The following ADAD1 variants were observed in gnomAD, a reference collection of about 807,000 sequenced individuals.
ADAD1 encodes adenosine deaminase domain-containing protein 1.
Under a neutral mutation model 66.8 loss-of-function variants are expected in ADAD1, and 46 were observed. That is an observed-to-expected ratio of 0.69 (90% CI 0.54 to 0.88). The LOEUF (loss-of-function observed/expected upper bound fraction) is 0.88, where lower values mean the gene tolerates loss of function less well. Ranked by LOEUF, ADAD1 falls within the 40% of genes least tolerant of loss-of-function variation. The probability of loss-of-function intolerance (pLI) is 0.00; values close to 1 mark genes in which losing one functional copy is unlikely to be tolerated. For synonymous variants in ADAD1, 248 were observed against 229.4 expected (o/e 1.08, Z -0.73); for missense variants, 617 against 681.8 (o/e 0.91, Z 1.06).
chr4:122,411,087 T>G (rs1796445066), intron 8 of ADAD1, 135 bp from the exon 9 acceptor site: 5 of 643,664 alleles, frequency 7.8e-6, no homozygotes. Flanking sequence ...AAGCTAAGAT[T>G]GATTTAGGAG....
intron 11 of ADAD1, among the ~76,000 whole-genome samples, chr4:122,417,893 T>C (rs906735278): frequency 3.9e-5 from 6 of 152,114 alleles, no homozygotes; most frequent in African/African-American, 1.2e-4. Context: ...GACTCCTGGT[T>C]CAAAGGGGAA....
intron 7 of ADAD1, among the ~76,000 whole-genome samples, chr4:122,405,336 A>G (rs1796159355): frequency 6.6e-6 from 1 of 152,174 alleles, no homozygotes; most frequent in Non-Finnish European, 1.5e-5. Context: ...TAACCCAGTC[A>G]TTATTTATTT....
intron 7 of ADAD1, among the ~76,000 whole-genome samples, chr4:122,400,115 C>T (rs945769006): frequency 6.6e-6 from 1 of 152,006 alleles, no homozygotes; most frequent in African/African-American, 2.4e-5. Flanking sequence ...GAACATTTCC[C>T]TGTTCAGTAT....
chr4:122,390,992 G>T (rs901465532), intron 5 of ADAD1, among the ~76,000 whole-genome samples: 1 of 152,162 alleles, frequency 6.6e-6, no homozygotes, highest in Non-Finnish European at 1.5e-5. Context: ...TCTTCGTGAG[G>T]TTGTCTAGTT....
At chr4:122,401,024 A>G (rs937243579) in intron 7 of ADAD1, among the ~76,000 whole-genome samples, 1 of 151,250 alleles carries the variant, frequency 6.6e-6, no homozygotes, top group South Asian at 2.1e-4. Flanking sequence ...TCTTTATTAT[A>G]TCTTTTCTTC....
Position 122,413,851 on chromosome 4 carries a change from C to CATATATATATAT in ADAD1, c.1249+1057_1249+1068dup, listed in dbSNP as rs377322878. Among the ~76,000 whole-genome samples the CATATATATATAT allele has an allele frequency of 2.9e-3, 365 of 126,574 alleles. 5 individuals carry two copies. The highest frequency in any genetic ancestry group is 6.3e-3 in the East Asian group (29 of 4,632). 83.0% of individuals were successfully genotyped at this position (126,574 alleles called of 152,430 possible). A position where few individuals can be genotyped will look rare whatever the true frequency, so the allele number is the denominator to read the frequency against. On this transcript the variant is annotated intron_variant, in intron 10 of 12. Coordinates refer to ENST00000296513, the MANE Select transcript of ADAD1 (RefSeq NM_139243.4). The stretch of plus-strand genomic sequence containing the variant: ...TTTCACGCTGCTGCTTATGATAGAT[C>CATATATATATAT]ATATATATATATATATATATATATA...
At chr4:122,396,149 A>G (rs1055108828) in intron 6 of ADAD1, 103 bp from the exon 7 acceptor site, 2 of 1,008,410 alleles carry the variant, frequency 2.0e-6, no homozygotes, top group African/African-American at 1.7e-5. Context: ...ACAGATGTCT[A>G]TATATTATTA....
intron 12 of ADAD1, among the ~76,000 whole-genome samples, chr4:122,424,992 A>T (rs912932463): frequency 1.3e-5 from 2 of 152,108 alleles, no homozygotes; most frequent in Non-Finnish European, 1.5e-5. Flanking sequence ...TTACAGTGGT[A>T]AAAAGGTCAA....
At chr4:122,384,038 G>A (rs1195509560) in intron 5 of ADAD1, 72 bp downstream of exon 5, 3 of 1,312,870 alleles carry the variant, frequency 2.3e-6, no homozygotes, top group Non-Finnish European at 3.1e-6. Flanking sequence ...AAAGATTTAT[G>A]TTAATGAGAG....
intron 3 of ADAD1, 113 bp downstream of exon 3, chr4:122,380,354 C>G (rs1794832670): frequency 7.8e-7 from 1 of 1,278,714 alleles, no homozygotes. Context: ...GACATTTACC[C>G]GTGGCCGTGT....
intron 5 of ADAD1, among the ~76,000 whole-genome samples, chr4:122,384,182 C>T (rs141002655): frequency 1.3e-5 from 2 of 152,320 alleles, no homozygotes; most frequent in East Asian, 3.9e-4. Context: ...TGTTGCTAAA[C>T]TGTCCGGTAA....
rs112075307 is a variant in ADAD1, at chr4:122,398,317, GGTGTGT to G, written c.724+1965_724+1970del. Among the ~76,000 whole-genome samples, 24 of 148,644 alleles carry G rather than the reference GGTGTGT, an allele frequency of 1.6e-4. 1 individual carries two copies. Among genetic ancestry groups the G allele is most frequent in the African/African-American group, 3.5e-4 (14 of 40,514 alleles). On this transcript the variant is annotated intron_variant, in intron 7 of 12. Transcript: ENST00000296513. ...CTATCCAGGCTGAGTAGTATTCCAG[GGTGTGT>G]GTGTGTGTGTGTGTGTGTGTGTGTC...
intron 11 of ADAD1, among the ~76,000 whole-genome samples, chr4:122,418,301 A>C (rs969659124): frequency 5.6e-5 from 6 of 106,496 alleles, no homozygotes; most frequent in Admixed American, 1.1e-4. Context: ...TATAAACGTT[A>C]TTTTCTTTTT....
intron 3 of ADAD1, chr4:122,380,607 C>A: frequency 3.4e-6 from 1 of 292,140 alleles, no homozygotes; most frequent in Non-Finnish European, 6.2e-6. Flanking sequence ...TCGGTGGAAT[C>A]CAGTGAGAAA....
Position 122,415,378 on chromosome 4 carries a change from G to T in ADAD1, c.1250-1G>T. The T allele has an allele frequency of 6.2e-7, 1 of 1,605,720 alleles. No homozygotes were observed. The highest frequency in any genetic ancestry group is 8.5e-7 in the Non-Finnish European group (1 of 1,176,366). On this transcript the variant is annotated splice_acceptor_variant, in intron 10 of 12. Transcript: ENST00000296513. LOFTEE classifies it high-confidence loss of function. ...TTGAGTGTTTTGTTTTTGCTTTCTA[G>T]GTGATGGGAATTGCAGTGATACCAG...
chr4:122,409,827 G>A lies in ADAD1; in HGVS notation c.849-1395G>A, dbSNP rs1320108056. ...CAATTCTCCTGCCTCAGCCTCCCGAGTAGCTGGGATTACAGGCACCTGCCA... is the reference window on the plus strand; with the variant it reads ...CAATTCTCCTGCCTCAGCCTCCCGAATAGCTGGGATTACAGGCACCTGCCA... On this transcript the variant is annotated intron_variant, in intron 8 of 12. Transcript: ENST00000296513. 2.0e-5 allele frequency among the ~76,000 whole-genome samples: 3 copies of A among 152,068 alleles called. No homozygotes were observed. The East Asian group carries it at 5.8e-4, about 29-fold the overall frequency.
chr4:122,392,719 A>C (rs1206347587), intron 5 of ADAD1, among the ~76,000 whole-genome samples: 1 of 152,228 alleles, frequency 6.6e-6, no homozygotes, highest in Non-Finnish European at 1.5e-5. Context: ...TTTTGAAAAA[A>C]GTTTATACTT....
At chr4:122,428,174 CAAATA>C (rs1384260323) in intron 12 of ADAD1, among the ~76,000 whole-genome samples, 1 of 151,752 alleles carries the variant, frequency 6.6e-6, no homozygotes, top group African/African-American at 2.4e-5. Context: ...ATAAAACTTT[CAAATA>C]AAATATGAGA....
chr4:122,405,768 A>T (rs1298205447), intron 7 of ADAD1, among the ~76,000 whole-genome samples: 1 of 152,140 alleles, frequency 6.6e-6, no homozygotes, highest in African/African-American at 2.4e-5. Context: ...AGTAACCACC[A>T]TTCTACTCTG....
Sources: allele counts gnomAD v4.1 joint callset (sites outside exome capture counted in the v4.1 genomes callset), GRCh38; gene constraint gnomAD v4.1.1; transcripts MANE v1.5; gene names NCBI Gene and HGNC (gene_info 2026-07-23, HGNC 2026-07-21).